The following SLC39A11 variants were observed in gnomAD, a reference collection of about 807,000 sequenced individuals.
The protein encoded by SLC39A11 is zinc transporter ZIP11.
A neutral mutation model predicts 36.1 loss-of-function variants in SLC39A11; 33 were observed. That is an observed-to-expected ratio of 0.91 (90% CI 0.69 to 1.22). SLC39A11 has a LOEUF of 1.22. SLC39A11 is among the 50% of genes most tolerant of loss of function. The probability of loss-of-function intolerance (pLI) is 0.00; values close to 1 mark genes in which losing one functional copy is unlikely to be tolerated. For missense variants in SLC39A11, 432 were observed against 430.3 expected (o/e 1.00, Z -0.03); for synonymous variants, 166 against 170.3 (o/e 0.97, Z 0.20).
At chr17:72,978,520 G>C (rs904041470) in intron 4 of SLC39A11, among the ~76,000 whole-genome samples, 5 of 152,186 alleles carry the variant, frequency 3.3e-5, no homozygotes, top group African/African-American at 1.2e-4. Flanking sequence ...GGAGACATTT[G>C]CACTGAGGCA....
At chr17:73,050,837 G>T (rs1016306934) in intron 3 of SLC39A11, among the ~76,000 whole-genome samples, 1 of 152,180 alleles carries the variant, frequency 6.6e-6, no homozygotes, top group Non-Finnish European at 1.5e-5. Context: ...GGCAAGAGCA[G>T]AGAGACCAGC....
At chr17:72,940,420 C>A (rs2085034316) in intron 5 of SLC39A11, among the ~76,000 whole-genome samples, 1 of 152,186 alleles carries the variant, frequency 6.6e-6, no homozygotes, top group African/African-American at 2.4e-5. Context: ...GGATTACAGG[C>A]ATGTGCCAAC....
At chr17:72,860,531 G>A (rs1461066992) in intron 5 of SLC39A11, among the ~76,000 whole-genome samples, 3 of 152,298 alleles carry the variant, frequency 2.0e-5, no homozygotes, top group South Asian at 4.1e-4. Context: ...GTGCAGGCAG[G>A]TGGGGGCACA....
At chr17:73,002,649 C>T (rs146083498) in intron 4 of SLC39A11, among the ~76,000 whole-genome samples, 1 of 152,188 alleles carries the variant, frequency 6.6e-6, no homozygotes, top group Admixed American at 6.5e-5. Context: ...ATGGGGAGAA[C>T]TAAAGATGCA....
rs761961296 is a variant in SLC39A11, at chr17:72,849,646, G to A, written c.589C>T (p.His197Tyr). 1.3e-6 allele frequency: 2 copies of A among 1,571,640 alleles called. No individual in the cohort carries two copies. Among genetic ancestry groups the A allele is most frequent in the Non-Finnish European group, 8.6e-7 (1 of 1,161,982 alleles). Residue 197 changes from histidine to tyrosine, a missense_variant, in exon 6 of 10, where the codon CAC becomes TAC. Transcript: ENST00000255559. ...IALLILAITI[H>Y]NVPEGLAVGV... ...GGCAAGACCTCACCTGGAACGTTGT[G>A]TATAGTGATGGCCAAGATGAGCAGT... is the stretch of plus-strand genomic sequence containing the variant.
At chr17:72,696,438 C>T (rs544627063) in intron 7 of SLC39A11, among the ~76,000 whole-genome samples, 21 of 152,264 alleles carry the variant, frequency 1.4e-4, no homozygotes, top group Middle Eastern at 3.4e-3. Flanking sequence ...ATCAAAGAAG[C>T]CAGGCTCAGG....
At chr17:73,035,819 G>A (rs1302672008) in intron 3 of SLC39A11, among the ~76,000 whole-genome samples, 4 of 125,718 alleles carry the variant, frequency 3.2e-5, no homozygotes, top group Non-Finnish European at 4.6e-5. Context: ...AGCCAAGATC[G>A]CACTACTGCA....
At chr17:72,777,208 A>T (rs1480458920) in intron 6 of SLC39A11, among the ~76,000 whole-genome samples, 2 of 152,176 alleles carry the variant, frequency 1.3e-5, no homozygotes, top group African/African-American at 2.4e-5. Context: ...CTCTAAACCA[A>T]AAAAAGGGCA....
intron 5 of SLC39A11, among the ~76,000 whole-genome samples, chr17:72,908,495 G>A (rs1301098345): frequency 6.6e-6 from 1 of 152,188 alleles, no homozygotes; most frequent in African/African-American, 2.4e-5. Context: ...GGACACTACC[G>A]TGCCGTCTCT....
At chr17:72,725,400 T>C (rs554009027) in intron 7 of SLC39A11, 7 of 152,162 alleles carry the variant, frequency 4.6e-5, no homozygotes, top group Non-Finnish European at 8.8e-5. Flanking sequence ...GCTTTATAAA[T>C]GCTTAATTAA....
intron 6 of SLC39A11, among the ~76,000 whole-genome samples, chr17:72,812,562 G>A (rs1057160762): frequency 6.6e-6 from 1 of 152,084 alleles, no homozygotes; most frequent in Non-Finnish European, 1.5e-5. Context: ...ATAGCAACGG[G>A]GCCTCATATC....
At chr17:72,892,751 T>A (rs2081821332) in intron 5 of SLC39A11, among the ~76,000 whole-genome samples, 1 of 152,172 alleles carries the variant, frequency 6.6e-6, no homozygotes, top group Non-Finnish European at 1.5e-5. Flanking sequence ...GTAAACTGGA[T>A]AATAGACAAT....
intron 3 of SLC39A11, among the ~76,000 whole-genome samples, chr17:73,050,323 C>A (rs1237917589): frequency 9.2e-3 from 907 of 98,458 alleles, no homozygotes; most frequent in Middle Eastern, 0.024. Context: ...CTGTTTGTGG[C>A]AAAAAAAAAA....
rs1466580161 is a variant in SLC39A11, at chr17:72,992,645, G to A, written c.306+38911C>T. On this transcript the variant is annotated intron_variant, in intron 4 of 9. Transcript: ENST00000255559. ...TAACTCTATAACGTCTTTTGTCACA[G>A]AGAAGTTTGTTTTTCTTAATGTTAT... Among the ~76,000 whole-genome samples, 3 of 152,206 alleles carry A rather than the reference G, an allele frequency of 2.0e-5. No homozygotes were observed. The East Asian group carries it at 5.8e-4, about 29-fold the overall frequency.
At chr17:72,697,208 G>A (rs1028075904) in intron 7 of SLC39A11, among the ~76,000 whole-genome samples, 1 of 152,126 alleles carries the variant, frequency 6.6e-6, no homozygotes, top group Non-Finnish European at 1.5e-5. Context: ...TCAGCCTCCT[G>A]AGTAGTTGGG....
intron 7 of SLC39A11, among the ~76,000 whole-genome samples, chr17:72,675,749 T>TCTCG (rs2071230497): frequency 6.6e-6 from 1 of 152,172 alleles, no homozygotes; most frequent in Non-Finnish European, 1.5e-5. Context: ...AATGGCGCAA[T>TCTCG]CTCGGCTCAC....
At chr17:72,744,827 C>T (rs1184001761) in intron 6 of SLC39A11, among the ~76,000 whole-genome samples, 2 of 152,208 alleles carry the variant, frequency 1.3e-5, no homozygotes, top group Non-Finnish European at 2.9e-5. Flanking sequence ...TGGGGGTTAG[C>T]ATCTCAGCAT....
intron 7 of SLC39A11, among the ~76,000 whole-genome samples, chr17:72,705,994 T>C (rs1194261588): frequency 2.0e-5 from 3 of 152,200 alleles, no homozygotes; most frequent in Non-Finnish European, 4.4e-5. Context: ...TTTCAGCTAT[T>C]TTCTGGTCCC....
At chr17:72,740,946 G>T (rs2144099834) in intron 6 of SLC39A11, among the ~76,000 whole-genome samples, 1 of 152,054 alleles carries the variant, frequency 6.6e-6, no homozygotes, top group African/African-American at 2.4e-5. Context: ...GGCTAATTTT[G>T]TATTTTTAGT....
Sources: allele counts gnomAD v4.1 joint callset (sites outside exome capture counted in the v4.1 genomes callset), GRCh38; gene constraint gnomAD v4.1.1; transcripts MANE v1.5; gene names NCBI Gene and HGNC (gene_info 2026-07-23, HGNC 2026-07-21).